Variants in MAGI2 observed in about 807,000 individuals in gnomAD.
MAGI2 encodes the protein membrane-associated guanylate kinase, WW and PDZ domain-containing protein 2.
In MAGI2, 35 loss-of-function variants were observed where a neutral mutation model predicts 133.3. The ratio of observed to expected loss-of-function variants is 0.26; its 90% CI spans 0.20 to 0.35. MAGI2 has a LOEUF of 0.35. Among genes scored for constraint, MAGI2 ranks in the 10% least tolerant of loss-of-function variants. The pLI is 1.00. For synonymous variants in MAGI2, 729 were observed against 710.6 expected, an observed-to-expected ratio of 1.03 and a Z score of -0.41; for missense variants, 1,636 against 1,863.4, an observed-to-expected ratio of 0.88 and a Z score of 2.25.
intron 1 of MAGI2, among the ~76,000 whole-genome samples, chr7:79,330,532 G>A (rs1192863414): frequency 1.3e-5 from 2 of 152,102 alleles, no homozygotes; most frequent in Non-Finnish European, 2.9e-5. Flanking sequence ...AAAAGAGAGA[G>A]TCACTTTATA....
At chr7:78,737,369 A>G (rs954625955) in intron 2 of MAGI2, among the ~76,000 whole-genome samples, 1 of 152,200 alleles carries the variant, frequency 6.6e-6, no homozygotes, top group Non-Finnish European at 1.5e-5. Flanking sequence ...AAGATACACC[A>G]TTGGAATTAA....
At chr7:79,422,940 A>C (rs1298017919) in intron 1 of MAGI2, among the ~76,000 whole-genome samples, 2 of 152,122 alleles carry the variant, frequency 1.3e-5, no homozygotes, top group African/African-American at 4.8e-5. Flanking sequence ...ACATCATTGA[A>C]GCTTTCTAAA....
rs116175665 is a variant in MAGI2, at chr7:78,762,766, C to G, written c.419-135527G>C. Among the ~76,000 whole-genome samples, 779 of 152,188 alleles carry G rather than the reference C, an allele frequency of 5.1e-3. 7 individuals are homozygous for G. The highest frequency in any genetic ancestry group is 0.018 in the African/African-American group (755 of 41,540). ...ATATGTGTGAACAGTTTTGGGGAAC[C>G]ACCTATTTTTCCTAGGATTACTATC... is the stretch of plus-strand genomic sequence containing the variant. On this transcript the variant is annotated intron_variant, in intron 2 of 21. Coordinates refer to ENST00000354212, the MANE Select transcript of MAGI2 (RefSeq NM_012301.4).
chr7:78,636,351 C>CTTT lies in MAGI2; in HGVS notation c.419-9115_419-9113dup, dbSNP rs34984460. 6.0e-3 allele frequency among the ~76,000 whole-genome samples: 778 copies of CTTT among 129,200 alleles called. 22 individuals are homozygous for CTTT. In the East Asian group the frequency reaches 0.075, roughly 13 times the overall value. 84.8% of individuals were successfully genotyped at this position (129,200 alleles called of 152,430 possible). ...ATGTTAGGTATCTTCCAAAAACAGG[C>CTTT]TTTTTTTTTTTTTTTTTTGAAGAAG... On this transcript the variant is annotated intron_variant, in intron 2 of 21. Coordinates refer to ENST00000354212, the MANE Select transcript of MAGI2 (RefSeq NM_012301.4).
chr7:78,770,943 G>A (rs1045648952), intron 2 of MAGI2: 3 of 152,168 alleles, frequency 2.0e-5, no homozygotes, highest in Non-Finnish European at 4.4e-5. Context: ...CACCTGTACT[G>A]ATCCAACCCA....
intron 1 of MAGI2, among the ~76,000 whole-genome samples, chr7:79,359,315 T>A (rs554607202): frequency 6.6e-6 from 1 of 151,778 alleles, no homozygotes; most frequent in South Asian, 2.1e-4. Context: ...AGAGAGAAAA[T>A]AAACTGTGAG....
intron 3 of MAGI2, among the ~76,000 whole-genome samples, chr7:78,553,436 C>T (rs1419146250): frequency 6.6e-6 from 1 of 152,174 alleles, no homozygotes; most frequent in Non-Finnish European, 1.5e-5. Context: ...GTAAATGTAA[C>T]TGTCCTTCAG....
intron 6 of MAGI2, among the ~76,000 whole-genome samples, chr7:78,438,219 C>CA (rs566616264): frequency 1.8e-4 from 27 of 151,764 alleles, no homozygotes; most frequent in Non-Finnish European, 2.6e-4. Context: ...CTTCTCCACT[C>CA]ACAGACTTTT....
At chr7:78,243,021 GTGATT>G (rs1791322272) in intron 10 of MAGI2, among the ~76,000 whole-genome samples, 1 of 152,062 alleles carries the variant, frequency 6.6e-6, no homozygotes, top group African/African-American at 2.4e-5. Flanking sequence ...GCAGTGAACT[GTGATT>G]GTGCCACTGC....
Position 78,118,250 on chromosome 7 carries a change from A to G in MAGI2, c.3567+7444T>C, listed in dbSNP as rs377677492. Among the ~76,000 whole-genome samples, 42 of 152,342 alleles carry G rather than the reference A, an allele frequency of 2.8e-4. No individual in the cohort carries two copies. The South Asian group carries it at 7.5e-3, about 27-fold the overall frequency. ...TAAAATGCAAAACTATGAAACTCCT[A>G]TAAGATAACATAGCAGAAAATCTAT... On this transcript the variant is annotated intron_variant, in intron 20 of 21. Transcript: ENST00000354212.
intron 1 of MAGI2, among the ~76,000 whole-genome samples, chr7:79,108,770 G>A (rs1818656973): frequency 6.6e-6 from 1 of 152,194 alleles, no homozygotes; most frequent in Admixed American, 6.5e-5. Flanking sequence ...AGTGTTGGAG[G>A]TGGGGCTTGG....
rs77138854 is a variant in MAGI2 at position 78,545,748 on chromosome 7, T to G, written c.539-24103A>C. Among the ~76,000 whole-genome samples, 153 of 152,284 alleles carry G rather than the reference T, an allele frequency of 1.0e-3. 1 individual carries two copies. The highest frequency in any genetic ancestry group is 3.5e-3 in the African/African-American group (147 of 41,540). ...CAAAATGAGTTTGTGTAGAACATAT[T>G]GATATTTCATACATTACATTAAATT... On this transcript the variant is annotated intron_variant, in intron 3 of 21. Coordinates refer to ENST00000354212, the MANE Select transcript of MAGI2 (RefSeq NM_012301.4).
chr7:78,324,921 G>A (rs868362607), intron 9 of MAGI2, among the ~76,000 whole-genome samples: 7 of 152,108 alleles, frequency 4.6e-5, no homozygotes, highest in Admixed American at 2.6e-4. Context: ...AGCCAAGATC[G>A]CGCCATTGTA....
At chr7:79,353,655 G>A (rs1008362432) in intron 1 of MAGI2, 6 of 364,268 alleles carry the variant, frequency 1.6e-5, no homozygotes, top group African/African-American at 4.2e-5. Flanking sequence ...GGGTGAGCAC[G>A]GGCATCACAC....
rs754313566 is a variant in MAGI2, at chr7:79,141,873, T to C, written c.302-134667A>G. Among the ~76,000 whole-genome samples, 11 of 152,182 alleles carry C rather than the reference T, an allele frequency of 7.2e-5. 1 individual carries two copies. Among genetic ancestry groups the C allele is most frequent in the South Asian group, 2.1e-4 (1 of 4,834 alleles). ...TAGTTCCAGCTTCATAGGATACCTA[T>C]GTCTTGAATATCAATTAAATTTCTG... On this transcript the variant is annotated intron_variant, in intron 1 of 21. Coordinates refer to ENST00000354212, the MANE Select transcript of MAGI2 (RefSeq NM_012301.4).
intron 1 of MAGI2, among the ~76,000 whole-genome samples, chr7:79,083,446 T>C (rs1481827540): frequency 2.6e-5 from 4 of 151,320 alleles, no homozygotes; most frequent in African/African-American, 9.7e-5. Flanking sequence ...TTATCTTGTG[T>C]TTTGTTTTTT....
intron 2 of MAGI2, among the ~76,000 whole-genome samples, chr7:78,852,376 C>T (rs1224319892): frequency 2.0e-5 from 3 of 151,882 alleles, no homozygotes; most frequent in African/African-American, 4.8e-5. Context: ...GAACAGGAAA[C>T]TTAAGTTTTA....
In MAGI2 at chr7:78,390,474, G is replaced by A. The variant is rs138784366; in HGVS notation, c.1046-21261C>T. Among the ~76,000 whole-genome samples, 4 of 152,216 alleles carry A rather than the reference G, an allele frequency of 2.6e-5. No individual in the cohort carries two copies. The East Asian group carries it at 7.7e-4, about 29-fold the overall frequency. On this transcript the variant is annotated intron_variant, in intron 6 of 21. Coordinates refer to ENST00000354212, the MANE Select transcript of MAGI2 (RefSeq NM_012301.4). The stretch of plus-strand genomic sequence containing the variant: ...GAGAGCTGGGGATTTACATTTTTCT[G>A]TGTAAAGGGGTCCATCGTATAGTTC...
chr7:78,470,665 TA>T (rs1302264646), intron 6 of MAGI2, among the ~76,000 whole-genome samples: 1 of 152,144 alleles, frequency 6.6e-6, no homozygotes, highest in Non-Finnish European at 1.5e-5. Context: ...CATGGGCTTA[TA>T]AAGTAATTTG....
Sources: gnomAD v4.1 joint callset for allele counts (sites outside exome capture counted in the v4.1 genomes callset) on GRCh38, gnomAD v4.1.1 for gene constraint, MANE v1.5 for transcripts, NCBI Gene and HGNC (gene_info 2026-07-23, HGNC 2026-07-21) for gene names.